ZNF66: variants seen among roughly 807,000 people sequenced by gnomAD.
ZNF66 encodes zinc finger protein 66, also known as putative zinc finger protein 66.
A neutral mutation model predicts 35.2 loss-of-function variants in ZNF66; 32 were observed. The ratio of observed to expected loss-of-function variants is 0.91; its 90% CI spans 0.69 to 1.22. ZNF66 has a LOEUF of 1.22. Among genes scored for constraint, ZNF66 ranks in the 50% most tolerant of loss-of-function variants. ZNF66 has a pLI of 0.00. For missense variants in ZNF66, 666 were observed against 543.1 expected (o/e 1.23, Z -2.25); for synonymous variants, 231 against 181.3 (o/e 1.27, Z -2.20).
chr19:20,796,498 G>C (rs12459192), intron 3 of ZNF66, among the ~76,000 whole-genome samples: 57,674 of 151,806 alleles, frequency 0.38, 11,561 homozygotes, highest in East Asian at 0.46. Flanking sequence ...CTTTTTTTTA[G>C]CCTATATCTA....
rs574480587 is a variant in ZNF66 at position 20,808,587 on chromosome 19, G to T, written c.*1265G>T. Among the ~76,000 whole-genome samples the T allele has an allele frequency of 3.9e-5, 6 of 152,136 alleles. No individual in the cohort carries two copies. Among genetic ancestry groups the T allele is most frequent in the Admixed American group, 2.6e-4 (4 of 15,268 alleles). On this transcript the variant is annotated 3_prime_UTR_variant, in exon 4 of 4. Transcript: ENST00000344519. ...TGATGCTGATACCCAGGCAAACAGC[G>T]TCTGGAGTGGACCTCTAGCAAACTC...
intron 1 of ZNF66, among the ~76,000 whole-genome samples, chr19:20,777,459 T>G (rs916197139): frequency 1.3e-5 from 2 of 150,104 alleles, no homozygotes; most frequent in Non-Finnish European, 3.0e-5. Context: ...TAGATTTTTT[T>G]TTTTTTTTTT....
chr19:20,795,658 T>C (rs11669970), intron 3 of ZNF66, among the ~76,000 whole-genome samples: 14,169 of 152,204 alleles, frequency 0.093, 672 homozygotes, highest in Middle Eastern at 0.11. Context: ...TGAGGCACTG[T>C]ACCCTGCCCA....
rs879637768 is a variant in ZNF66 at position 20,793,327 on chromosome 19, C to CTTTTTTTTTTTTTTTTTTTTTTTT, written c.131-452_131-451insTTTTTTTTTTTTTTTTTTTTTTTT. Among the ~76,000 whole-genome samples, 5 of 74,726 alleles carry CTTTTTTTTTTTTTTTTTTTTTTTT rather than the reference C, an allele frequency of 6.7e-5. 1 individual carries two copies. Among genetic ancestry groups the CTTTTTTTTTTTTTTTTTTTTTTTT allele is most frequent in the Non-Finnish European group, 1.3e-4 (5 of 38,976 alleles). 49.0% of individuals were successfully genotyped at this position (74,726 alleles called of 152,430 possible). On this transcript the variant is annotated intron_variant, in intron 2 of 3. Transcript: ENST00000344519. ...CTTTTCTTTTCTTTTCTTTTCTTTT[C>CTTTTTTTTTTTTTTTTTTTTTTTT]TTTTCTTTTTTTTTTTTTTTTGAGA... is the stretch of plus-strand genomic sequence containing the variant.
chr19:20,786,461 TTTC>T (rs146608152), intron 1 of ZNF66, among the ~76,000 whole-genome samples: 14,153 of 152,156 alleles, frequency 0.093, 670 homozygotes, highest in Middle Eastern at 0.11. Context: ...GAATCTCCAC[TTTC>T]TTCTTCCTCC....
chr19:20,776,836 CG>C (rs1971199684), intron 1 of ZNF66, among the ~76,000 whole-genome samples: 1 of 152,044 alleles, frequency 6.6e-6, no homozygotes, highest in African/African-American at 2.4e-5. Flanking sequence ...TGTATGGGGC[CG>C]GGCGCGGTCG....
At chr19:20,789,939 T>C (rs1971320772) in intron 1 of ZNF66, among the ~76,000 whole-genome samples, 1 of 152,252 alleles carries the variant, frequency 6.6e-6, no homozygotes, top group South Asian at 2.1e-4. Flanking sequence ...TTTCCTCTCC[T>C]TGTTTGTACC....
At chr19:20,791,464 G>GA (rs1321504447) in intron 1 of ZNF66, among the ~76,000 whole-genome samples, 1 of 135,684 alleles carries the variant, frequency 7.4e-6, no homozygotes, top group African/African-American at 2.8e-5. Flanking sequence ...CAGCCTGGGG[G>GA]ACAAGAGTGA....
In ZNF66 at chr19:20,805,839, A is replaced by C. The variant is rs779502990; in HGVS notation, c.239A>C (p.His80Pro). The C allele has an allele frequency of 1.6e-5, 9 of 569,590 alleles. No individual in the cohort carries two copies. Among genetic ancestry groups the C allele is most frequent in the Non-Finnish European group, 2.9e-5 (9 of 315,214 alleles). 35.3% of individuals were successfully genotyped at this position (569,590 alleles called of 1,614,324 possible). The stretch of plus-strand genomic sequence containing the variant: ...TGGTTTCTTTCAGTTTTGTGTTCTC[A>C]TTTTAACCAAGACCTTTGGCCAGAG... ...MVANPSVLCS[H>P]FNQDLWPEQS... Residue 80 changes from histidine to proline, a missense_variant, in exon 4 of 4, where the codon CAT becomes CCT. By Grantham distance (77) the His-to-Pro change is moderately conservative (BLOSUM62 -2). Transcript: ENST00000344519.
chr19:20,792,996 G>A (rs997670916), intron 2 of ZNF66, among the ~76,000 whole-genome samples: 3 of 151,840 alleles, frequency 2.0e-5, no homozygotes, highest in African/African-American at 7.3e-5. Context: ...GAACTCAGGA[G>A]GTGAAGGTTG....
In ZNF66 at chr19:20,796,900, C is replaced by T. The variant is rs186634065; in HGVS notation, c.226+3022C>T. On this transcript the variant is annotated intron_variant, in intron 3 of 3. Transcript: ENST00000344519. ...GAGTCACACTCTGTCACCCAGCCTG[C>T]GGTGCAGTGGTGTGATCGTGGCTCA... Among the ~76,000 whole-genome samples, 20 of 152,110 alleles carry T rather than the reference C, an allele frequency of 1.3e-4. No individual in the cohort carries two copies. The East Asian group carries it at 1.9e-3, about 15-fold the overall frequency.
intron 1 of ZNF66, among the ~76,000 whole-genome samples, chr19:20,776,677 C>T (rs1971197799): frequency 6.6e-6 from 1 of 152,226 alleles, no homozygotes; most frequent in South Asian, 2.1e-4. Context: ...CTGTGGGCAG[C>T]TCTGCACCCG....
Position 20,808,208 on chromosome 19 carries a change from T to C in ZNF66, c.*886T>C, listed in dbSNP as rs894386868. ...TGCTTAGGTAAAGCAGCTGGGAAGC[T>C]AGAACTGGGTGGAGCCCACCACAGC... is the stretch of plus-strand genomic sequence containing the variant. On this transcript the variant is annotated 3_prime_UTR_variant, in exon 4 of 4. Transcript: ENST00000344519. 3.9e-5 allele frequency among the ~76,000 whole-genome samples: 6 copies of C among 152,178 alleles called. No individual in the cohort carries two copies. The highest frequency in any genetic ancestry group is 1.2e-4 in the African/African-American group (5 of 41,460).
At chr19:20,802,973 A>G (rs1477455243) in intron 3 of ZNF66, among the ~76,000 whole-genome samples, 1 of 152,104 alleles carries the variant, frequency 6.6e-6, no homozygotes, top group Non-Finnish European at 1.5e-5. Context: ...TTTGACTTAA[A>G]GTACATTTTA....
intron 3 of ZNF66, among the ~76,000 whole-genome samples, chr19:20,795,974 G>T (rs923190620): frequency 6.6e-6 from 1 of 152,106 alleles, no homozygotes. Context: ...ACTAAGGGCA[G>T]GTTCTCTTCT....
chr19:20,795,817 C>G (rs538450567), intron 3 of ZNF66, among the ~76,000 whole-genome samples: 46 of 152,272 alleles, frequency 3.0e-4, no homozygotes, highest in African/African-American at 1.1e-3. Context: ...TCCTCCAGGT[C>G]TCTTGAATGT....
chr19:20,779,940 A>G (rs35542073), intron 1 of ZNF66, among the ~76,000 whole-genome samples: 1 of 151,328 alleles, frequency 6.6e-6, no homozygotes, highest in East Asian at 1.9e-4. Flanking sequence ...AAAAAAAAAA[A>G]AAAACACCAA....
intron 3 of ZNF66, among the ~76,000 whole-genome samples, chr19:20,803,146 T>A (rs79985499): frequency 3.3e-3 from 380 of 115,728 alleles, no homozygotes; most frequent in South Asian, 4.8e-3. Context: ...AAAAGGCAAG[T>A]TGAATCTTGA....
chr19:20,804,870 C>T (rs541688832), intron 3 of ZNF66, among the ~76,000 whole-genome samples: 1 of 152,100 alleles, frequency 6.6e-6, no homozygotes, highest in African/African-American at 2.4e-5. Context: ...TCAGTAATCA[C>T]TTGCTAGACT....
Sources: gnomAD v4.1 joint callset for allele counts (sites outside exome capture counted in the v4.1 genomes callset) on GRCh38, gnomAD v4.1.1 for gene constraint, MANE v1.5 for transcripts, NCBI Gene and HGNC (gene_info 2026-07-23, HGNC 2026-07-21) for gene names.